The following PCDHA3 variants were observed in gnomAD, a reference collection of about 807,000 sequenced individuals.
The protein encoded by PCDHA3 is protocadherin alpha-3.
In PCDHA3, 41 loss-of-function variants were observed where a neutral mutation model predicts 62.2. The ratio of observed to expected loss-of-function variants is 0.66; its 90% CI spans 0.51 to 0.86. PCDHA3 has a LOEUF of 0.86. Among genes scored for constraint, PCDHA3 ranks in the 40% least tolerant of loss-of-function variants. The pLI is 0.00. For missense variants in PCDHA3, 1,304 were observed against 1,241.2 expected, an observed-to-expected ratio of 1.05 and a Z score of -0.76; for synonymous variants, 640 against 555.4, an observed-to-expected ratio of 1.15 and a Z score of -2.14.
chr5:140,885,561 T>G (rs1378492280), intron 1 of PCDHA3, among the ~76,000 whole-genome samples: 2 of 152,192 alleles, frequency 1.3e-5, no homozygotes, highest in African/African-American at 4.8e-5. Context: ...TCTACGAAAT[T>G]GATTGTCAGA....
intron 1 of PCDHA3, among the ~76,000 whole-genome samples, chr5:140,920,150 G>A (rs2079485713): frequency 6.6e-6 from 1 of 152,244 alleles, no homozygotes; most frequent in South Asian, 2.1e-4. Flanking sequence ...CCAAACCTGG[G>A]AGAAAAACTG....
intron 1 of PCDHA3, chr5:140,809,207 C>A (rs782769972): frequency 1.2e-6 from 2 of 1,614,052 alleles, no homozygotes; most frequent in Admixed American, 3.3e-5. Context: ...GGAGAGTGGA[C>A]AGGCGCCAAA....
rs1554122110 is a variant in PCDHA3 at position 140,802,411 on chromosome 5, A to G, written c.1214A>G (p.Tyr405Cys). The G allele has an allele frequency of 6.2e-7, 1 of 1,614,042 alleles. No individual in the cohort carries two copies. Among genetic ancestry groups the G allele is most frequent in the Non-Finnish European group, 8.5e-7 (1 of 1,180,008 alleles). Residue 405 changes from tyrosine to cysteine, a missense_variant, in exon 1 of 4, where the codon TAC becomes TGC. Transcript: ENST00000522353. The part of the protein sequence containing the change: ...FKLVSTFKNY[Y>C]SLVLDSPLDR... Reference sequence around the variant, plus strand: ...CTGGTGTCCACCTTCAAGAATTACTACTCATTGGTGCTGGACAGCCCTCTG... The same window carrying G: ...CTGGTGTCCACCTTCAAGAATTACTGCTCATTGGTGCTGGACAGCCCTCTG...
At chr5:140,821,862 G>C (rs1489076733) in intron 1 of PCDHA3, 4 of 1,614,100 alleles carry the variant, frequency 2.5e-6, no homozygotes, top group Non-Finnish European at 3.4e-6. Context: ...GGAGCGGCCA[G>C]CTCCACTACT....
rs2150499938 is a variant in PCDHA3 at position 140,850,836 on chromosome 5, G to A, written c.2394+47245G>A. ...CAGCCCGGGCCTTTCTCCTTGTGCT[G>A]GATCTACAGAGCGAACGGGAGAACC... is the stretch of plus-strand genomic sequence containing the variant. On this transcript the variant is annotated intron_variant, in intron 1 of 3. Coordinates refer to ENST00000522353, the MANE Select transcript of PCDHA3 (RefSeq NM_018906.3). The A allele has an allele frequency of 1.2e-5, 19 of 1,597,640 alleles. 1 individual carries two copies. Among genetic ancestry groups the A allele is most frequent in the South Asian group, 3.3e-5 (3 of 90,540 alleles).
chr5:140,869,504 C>A (rs959374162), intron 1 of PCDHA3: 5 of 1,614,200 alleles, frequency 3.1e-6, no homozygotes, highest in Non-Finnish European at 4.2e-6. Flanking sequence ...CCGGTGTTCT[C>A]GCTCAGAGAA....
intron 1 of PCDHA3, chr5:140,843,364 G>A: frequency 3.1e-6 from 5 of 1,596,132 alleles, no homozygotes; most frequent in Non-Finnish European, 4.3e-6. Context: ...CGTCATCGAG[G>A]CAGTCGGCTG....
At chr5:140,870,153 CG>C (rs1562639258) in intron 1 of PCDHA3, 2 of 1,614,088 alleles carry the variant, frequency 1.2e-6, no homozygotes, top group South Asian at 2.2e-5. Flanking sequence ...CTGAAGTCGC[CG>C]TGACTTCCTT....
chr5:141,000,421 A>ATTTTTTTTTTTTT (rs34755515), intron 3 of PCDHA3, among the ~76,000 whole-genome samples: 1 of 27,968 alleles, frequency 3.6e-5, no homozygotes, highest in African/African-American at 1.8e-4. Flanking sequence ...ATATATATAT[A>ATTTTTTTTTTTTT]TTTTTTTTTT....
intron 1 of PCDHA3, among the ~76,000 whole-genome samples, chr5:140,911,856 T>C (rs1252396387): frequency 6.6e-6 from 1 of 152,184 alleles, no homozygotes; most frequent in Non-Finnish European, 1.5e-5. Context: ...TCCTTAATAG[T>C]CTGTTCTTCT....
intron 1 of PCDHA3, among the ~76,000 whole-genome samples, chr5:140,891,954 G>C (rs782159289): frequency 4.6e-5 from 7 of 152,318 alleles, no homozygotes; most frequent in Admixed American, 6.5e-5. Flanking sequence ...CTCCAGAATT[G>C]TGAGAAGTAA....
intron 1 of PCDHA3, chr5:140,816,178 C>A (rs1368822444): frequency 6.6e-6 from 1 of 152,104 alleles, no homozygotes; most frequent in African/African-American, 2.4e-5. Flanking sequence ...ATTTCTTAGG[C>A]TTTCTTTACT....
intron 1 of PCDHA3, chr5:140,857,268 T>C (rs1554149751): frequency 3.1e-6 from 5 of 1,598,704 alleles, no homozygotes; most frequent in Non-Finnish European, 3.4e-6. Flanking sequence ...TACTCATTGG[T>C]GCTGGACAGC....
rs2150498276 is a variant in PCDHA3, at chr5:140,850,785, A to C, written c.2394+47194A>C. The C allele has an allele frequency of 0.62, 994,993 of 1,596,634 alleles. 342,814 individuals carry two copies. Among genetic ancestry groups the C allele is most frequent in the African/African-American group, 0.72 (53,321 of 73,960 alleles). Reference sequence around the variant, plus strand: ...GCAGAGGGTGTGCTCTGGCGAGGGTAAGCAGAAGACCGACCTCATGGCCTT... The same window carrying C: ...GCAGAGGGTGTGCTCTGGCGAGGGTCAGCAGAAGACCGACCTCATGGCCTT... On this transcript the variant is annotated intron_variant, in intron 1 of 3. Coordinates refer to ENST00000522353, the MANE Select transcript of PCDHA3 (RefSeq NM_018906.3).
chr5:140,980,635 A>AT (rs1224584187), intron 2 of PCDHA3, among the ~76,000 whole-genome samples: 1 of 152,232 alleles, frequency 6.6e-6, no homozygotes, highest in Non-Finnish European at 1.5e-5. Context: ...TCTCAGAAGA[A>AT]TAAATAAATG....
intron 3 of PCDHA3, among the ~76,000 whole-genome samples, chr5:140,992,189 G>T (rs1554252741): frequency 6.6e-6 from 1 of 152,098 alleles, no homozygotes; most frequent in Non-Finnish European, 1.5e-5. Context: ...TGCTTTCAGT[G>T]ATCTATCCAA....
intron 3 of PCDHA3, among the ~76,000 whole-genome samples, chr5:140,992,572 G>T (rs1441448703): frequency 2.0e-5 from 3 of 152,148 alleles, no homozygotes; most frequent in Non-Finnish European, 4.4e-5. Flanking sequence ...AACACATATT[G>T]CCTGCCTTGT....
chr5:140,918,925 T>C (rs2078925990), intron 1 of PCDHA3, among the ~76,000 whole-genome samples: 1 of 152,238 alleles, frequency 6.6e-6, no homozygotes, highest in Non-Finnish European at 1.5e-5. Context: ...ACACAGCATA[T>C]GGCATTTTGT....
chr5:140,952,914 T>C (rs1020868857), intron 1 of PCDHA3, among the ~76,000 whole-genome samples: 1 of 151,982 alleles, frequency 6.6e-6, no homozygotes, highest in South Asian at 2.1e-4. Context: ...TCATCTTACA[T>C]GGCATGAGCA....
Sources: gnomAD v4.1 joint callset for allele counts (sites outside exome capture counted in the v4.1 genomes callset) on GRCh38, gnomAD v4.1.1 for gene constraint, MANE v1.5 for transcripts, NCBI Gene and HGNC (gene_info 2026-07-23, HGNC 2026-07-21) for gene names.